The following DMD variants were observed in gnomAD, a reference collection of about 807,000 sequenced individuals.
DMD encodes the protein dystrophin.
DMD carries 63 observed loss-of-function variants against 330.1 expected under a neutral mutation model. The ratio of observed to expected loss-of-function variants is 0.19; its 90% CI spans 0.16 to 0.24. The LOEUF (loss-of-function observed/expected upper bound fraction) is 0.24. DMD is among the 10% of genes least tolerant of loss of function. DMD has a pLI of 1.00. For synonymous variants in DMD, 1,223 were observed against 959.8 expected, an observed-to-expected ratio of 1.27 and a Z score of -5.07; for missense variants, 3,344 against 2,684.1, an observed-to-expected ratio of 1.25 and a Z score of -5.43.
intron 7 of DMD, among the ~76,000 whole-genome samples, chrX:32,773,801 C>T (rs1457168976): frequency 9.0e-6 from 1 of 111,160 alleles, no homozygotes; most frequent in Admixed American, 9.6e-5. Context: ...ACTATATTTT[C>T]TGAACATGTT....
chrX:33,031,012 A>T (rs775843677), intron 1 of DMD, among the ~76,000 whole-genome samples: 16 of 111,447 alleles, frequency 1.4e-4, no homozygotes, highest in Non-Finnish European at 2.6e-4. Flanking sequence ...AACTTACACT[A>T]TGGAGTAAAG....
intron 48 of DMD, among the ~76,000 whole-genome samples, chrX:31,843,063 A>G (rs1350344372): frequency 1.8e-5 from 2 of 111,636 alleles, no homozygotes; most frequent in Non-Finnish European, 3.8e-5. Flanking sequence ...ATTCTTTTTA[A>G]TGGTTGTGTA....
intron 1 of DMD, among the ~76,000 whole-genome samples, chrX:33,337,123 G>A (rs372461996): frequency 9.0e-6 from 1 of 111,315 alleles, no homozygotes; most frequent in East Asian, 2.8e-4. Flanking sequence ...TTTAAAGTAC[G>A]CTATCTTCAT....
chrX:32,986,736 T>C (rs1447183221), intron 2 of DMD, among the ~76,000 whole-genome samples: 3 of 112,312 alleles, frequency 2.7e-5, no homozygotes, highest in African/African-American at 9.7e-5. Flanking sequence ...AAAAGTATAG[T>C]AGCTGTTAGT....
At chrX:32,708,587 G>C (rs941866500) in intron 7 of DMD, among the ~76,000 whole-genome samples, 5 of 111,467 alleles carry the variant, frequency 4.5e-5, no homozygotes, top group African/African-American at 1.6e-4. Context: ...TAATTCATAG[G>C]TTTGCTTGCA....
chrX:31,276,849 C>G (rs2052170230), intron 62 of DMD, among the ~76,000 whole-genome samples: 1 of 111,292 alleles, frequency 9.0e-6, no homozygotes, highest in African/African-American at 3.3e-5. Flanking sequence ...ATATAAAGGA[C>G]AAGAACAGGC....
rs370707647 is a variant in DMD at position 32,812,869 on chromosome X, G to T, written c.531-3258C>A. Reference sequence around the variant, plus strand: ...TGTAGAATATTTAGGGGACTTTTAAGTTCACTATGCGCACTCTGCCTTATC... The same window carrying T: ...TGTAGAATATTTAGGGGACTTTTAATTTCACTATGCGCACTCTGCCTTATC... On this transcript the variant is annotated intron_variant, in intron 6 of 78. Coordinates refer to ENST00000357033, the MANE Select transcript of DMD (RefSeq NM_004006.3). Among the ~76,000 whole-genome samples the T allele has an allele frequency of 2.7e-5, 3 of 111,633 alleles. No individual in the cohort carries two copies. The East Asian group carries it at 8.5e-4, about 32-fold the overall frequency.
intron 1 of DMD, among the ~76,000 whole-genome samples, chrX:33,176,627 G>A (rs2049676447): frequency 9.1e-6 from 1 of 110,226 alleles, no homozygotes; most frequent in Non-Finnish European, 1.9e-5. Flanking sequence ...CATAGCATTT[G>A]TGAGTGAAGG....
intron 9 of DMD, among the ~76,000 whole-genome samples, chrX:32,648,960 G>T (rs1314958166): frequency 1.8e-5 from 2 of 111,555 alleles, no homozygotes; most frequent in African/African-American, 6.5e-5. Flanking sequence ...TTTCATGAAT[G>T]AAGATGCCAG....
intron 1 of DMD, among the ~76,000 whole-genome samples, chrX:33,135,853 T>C (rs920992438): frequency 1.2e-4 from 13 of 112,580 alleles, no homozygotes; most frequent in African/African-American, 4.2e-4. Context: ...CATGGGTATG[T>C]ACCAAGTGCT....
intron 60 of DMD, among the ~76,000 whole-genome samples, chrX:31,393,453 G>T (rs1449616283): frequency 3.9e-5 from 4 of 101,277 alleles, no homozygotes; most frequent in Non-Finnish European, 8.0e-5. Flanking sequence ...CTCTGGCCTG[G>T]GCGACAGAGT....
intron 48 of DMD, among the ~76,000 whole-genome samples, chrX:31,864,539 G>T (rs1466702001): frequency 4.1e-5 from 4 of 96,459 alleles, no homozygotes; most frequent in Non-Finnish European, 8.0e-5. Flanking sequence ...CCCCATGCCG[G>T]AGTGCAGTGG....
chrX:31,545,763 C>A (rs1027982587), intron 55 of DMD, among the ~76,000 whole-genome samples: 2 of 111,331 alleles, frequency 1.8e-5, no homozygotes, highest in African/African-American at 3.3e-5. Flanking sequence ...AACCTGCCCC[C>A]AAATGTATCA....
chrX:32,522,539 A>G (rs1051139769), intron 17 of DMD, among the ~76,000 whole-genome samples: 1 of 112,151 alleles, frequency 8.9e-6, no homozygotes, highest in Non-Finnish European at 1.9e-5. Flanking sequence ...ATACGGTAGT[A>G]AAAACATATC....
rs756477540 is a variant in DMD, at chrX:32,518,121, C to G, written c.2179G>C (p.Asp727His). ...ATCCAGCTGTGAAGTTCAGTTATAT[C>G]AACATCCAACCTAAGACAGCAAAAA... ...DSEIRKRLDV[D>H]ITELHSWITR... The change falls in exon 18 of 79, where the codon GAT (aspartate) becomes CAT (histidine). Residue 727 changes from aspartate to histidine, a missense_variant. Asp to His is a moderately conservative substitution (Grantham distance 81, BLOSUM62 -1). Transcript: ENST00000357033. 1 of 1,209,649 alleles carries G rather than the reference C, an allele frequency of 8.3e-7. No individual in the cohort carries two copies. Among genetic ancestry groups the G allele is most frequent in the Non-Finnish European group, 1.1e-6 (1 of 893,768 alleles).
chrX:33,269,376 G>A (rs2053111528), intron 1 of DMD, among the ~76,000 whole-genome samples: 1 of 110,531 alleles, frequency 9.0e-6, no homozygotes, highest in Non-Finnish European at 1.9e-5. Flanking sequence ...TTATAAATGG[G>A]AACTAAACAT....
chrX:32,718,822 TA>T (rs1050044438), intron 7 of DMD, among the ~76,000 whole-genome samples: 3 of 112,387 alleles, frequency 2.7e-5, no homozygotes, highest in Non-Finnish European at 5.6e-5. Flanking sequence ...TATTGCTCTT[TA>T]AAATATATGG....
At chrX:31,664,010 C>T (rs1460637331) in intron 53 of DMD, among the ~76,000 whole-genome samples, 1 of 111,700 alleles carries the variant, frequency 9.0e-6, no homozygotes, top group Non-Finnish European at 1.9e-5. Context: ...TGTATCCATG[C>T]CCTTTGCTAA....
At chrX:32,085,664 G>A (rs866687589) in intron 44 of DMD, among the ~76,000 whole-genome samples, 12 of 58,300 alleles carry the variant, frequency 2.1e-4, no homozygotes, top group Non-Finnish European at 3.0e-4. Flanking sequence ...GTATATATAC[G>A]TATATATACA....
Sources: gnomAD v4.1 joint callset for allele counts (sites outside exome capture counted in the v4.1 genomes callset) on GRCh38, gnomAD v4.1.1 for gene constraint, MANE v1.5 for transcripts, NCBI Gene and HGNC (gene_info 2026-07-23, HGNC 2026-07-21) for gene names.